TRERF1: variants seen among roughly 807,000 people sequenced by gnomAD.
The protein encoded by TRERF1 is transcriptional-regulating factor 1.
TRERF1 carries 27 observed loss-of-function variants against 122.9 expected under a neutral mutation model. The ratio of observed to expected loss-of-function variants is 0.22; its 90% CI spans 0.16 to 0.30. The LOEUF is 0.30. Ranked by LOEUF, TRERF1 falls within the 10% of genes least tolerant of loss-of-function variation. The pLI, the probability that TRERF1 is intolerant of heterozygous loss-of-function variation, is 1.00. For synonymous variants in TRERF1, 636 were observed against 641.7 expected (o/e 0.99, Z 0.13); for missense variants, 1,248 against 1,560.3 (o/e 0.80, Z 3.37).
At chr6:42,446,741 G>A (rs1255902149) in intron 2 of TRERF1, among the ~76,000 whole-genome samples, 6 of 152,138 alleles carry the variant, frequency 3.9e-5, no homozygotes, top group African/African-American at 9.7e-5. Context: ...GGTGCCTCAC[G>A]CCTGTCATCC....
intron 2 of TRERF1, among the ~76,000 whole-genome samples, chr6:42,443,958 G>C (rs1192914540): frequency 1.3e-5 from 2 of 152,092 alleles, no homozygotes; most frequent in African/African-American, 4.8e-5. Flanking sequence ...ACAACTTGAA[G>C]AGGAGAGGTG....
At chr6:42,274,204 CTG>C (rs1780749891) in intron 4 of TRERF1, among the ~76,000 whole-genome samples, 1 of 152,124 alleles carries the variant, frequency 6.6e-6, no homozygotes, top group Non-Finnish European at 1.5e-5. Context: ...GCTCAGCAGT[CTG>C]TGTTTTAATG....
intron 2 of TRERF1, among the ~76,000 whole-genome samples, chr6:42,437,254 T>C (rs1377896792): frequency 6.6e-6 from 1 of 152,114 alleles, no homozygotes; most frequent in Non-Finnish European, 1.5e-5. Context: ...TCATGTGGAA[T>C]AATTTGGGGC....
intron 3 of TRERF1, among the ~76,000 whole-genome samples, chr6:42,309,168 C>A (rs543991998): frequency 1.1e-4 from 16 of 152,084 alleles, no homozygotes; most frequent in African/African-American, 3.6e-4. Flanking sequence ...AAGGCAGGGT[C>A]GATTTGTGTA....
At chr6:42,319,763 T>C (rs967709917) in intron 3 of TRERF1, among the ~76,000 whole-genome samples, 1 of 145,902 alleles carries the variant, frequency 6.9e-6, no homozygotes, top group African/African-American at 2.5e-5. Context: ...GTCAAGGCCA[T>C]GATTGTGCCA....
chr6:42,390,529 CCTCGTAA>C (rs1777550156), intron 2 of TRERF1, among the ~76,000 whole-genome samples: 1 of 152,186 alleles, frequency 6.6e-6, no homozygotes, highest in Admixed American at 6.5e-5. Flanking sequence ...TGCTTCCTCA[CCTCGTAA>C]CTTTTTATTT....
intron 2 of TRERF1, among the ~76,000 whole-genome samples, chr6:42,449,476 A>G (rs1305384715): frequency 2.6e-5 from 4 of 152,170 alleles, no homozygotes; most frequent in Non-Finnish European, 5.9e-5. Flanking sequence ...GAAAAAAAAA[A>G]AAAACTACTG....
chr6:42,332,746 C>T (rs1263693031), intron 3 of TRERF1, among the ~76,000 whole-genome samples: 1 of 152,160 alleles, frequency 6.6e-6, no homozygotes, highest in Non-Finnish European at 1.5e-5. Flanking sequence ...CAGTATTTTC[C>T]TGTCATTGTG....
At chr6:42,402,673 T>A (rs529593882) in intron 2 of TRERF1, among the ~76,000 whole-genome samples, 1 of 152,260 alleles carries the variant, frequency 6.6e-6, no homozygotes, top group South Asian at 2.1e-4. Flanking sequence ...AAGCTAAGTC[T>A]CCCCATGTGG....
rs922959038 is a variant in TRERF1, at chr6:42,434,001, C to T, written c.-454+17176G>A. Among the ~76,000 whole-genome samples, 4 of 152,046 alleles carry T rather than the reference C, an allele frequency of 2.6e-5. No individual in the cohort carries two copies. The South Asian group carries it at 8.3e-4, about 31-fold the overall frequency. On this transcript the variant is annotated intron_variant, in intron 2 of 17. Coordinates refer to ENST00000372922, the Ensembl canonical transcript of TRERF1. The stretch of plus-strand genomic sequence containing the variant: ...TTGTGCCACTGTACTCCAGCTTAGG[C>T]AACAGAGTGAGCAAGACCCTGTCTC...
rs369855101 is a variant in TRERF1 at position 42,259,566 on chromosome 6, G to A, written c.2042C>T (p.Thr681Ile). The change falls in exon 9 of 18, where the codon ACC (threonine) becomes ATC (isoleucine). Residue 681 changes from threonine (T) to isoleucine (I), a missense_variant. Around this residue, in one of 5 missense-constraint regions of TRERF1, gnomAD observed 946 missense variants for 1,073.0 expected, o/e 0.88. Transcript: ENST00000372922. The surrounding 1 kb of genome is among the most constrained non-coding windows in gnomAD (Gnocchi z 4.9). ...GGAGCGCAGCTGGCTCTGGTACAGG[G>A]TGGCGCCCGAGTAGGAGGCAGCGGG... is the stretch of plus-strand genomic sequence containing the variant. 94 of 1,613,712 alleles carry A rather than the reference G, an allele frequency of 5.8e-5. No individual in the cohort carries two copies. The highest frequency in any genetic ancestry group is 7.6e-5 in the Non-Finnish European group (90 of 1,179,888).
At position 42,259,674 on chromosome 6, in the gene TRERF1, A is replaced by C; in HGVS notation, c.1934T>G (p.Leu645Arg). ...CTTTTTCTTCTCCTGCACGGTCTTG[A>C]GGGGCTCCTCGGCTTTGGGCACACT... Residue 645 changes from leucine to arginine, a missense_variant, in exon 9 of 18, where the codon CTC (leucine) becomes CGC (arginine). Leu to Arg is a moderately radical substitution (Grantham distance 102). Coordinates refer to ENST00000372922, the Ensembl canonical transcript of TRERF1. The surrounding 1 kb of genome is among the most constrained non-coding windows in gnomAD (Gnocchi z 4.9). The C allele has an allele frequency of 6.2e-7, 1 of 1,609,042 alleles. No individual in the cohort carries two copies. Among genetic ancestry groups the C allele is most frequent in the Non-Finnish European group, 8.5e-7 (1 of 1,179,970 alleles).
At chr6:42,423,717 C>T (rs1783176081) in intron 2 of TRERF1, among the ~76,000 whole-genome samples, 2 of 152,066 alleles carry the variant, frequency 1.3e-5, no homozygotes, top group Admixed American at 1.3e-4. Context: ...TTTTATAATT[C>T]GGGTTATTTA....
rs1186331363 is a variant in TRERF1, at chr6:42,259,274, A to G, written c.2269+65T>C. 17 of 1,454,898 alleles carry G rather than the reference A, an allele frequency of 1.2e-5. No individual in the cohort carries two copies. The highest frequency in any genetic ancestry group is 2.6e-4 in the Middle Eastern group (1 of 3,880). The allele number at this position is 1,454,898 out of a possible 1,614,324, so 90.1% of individuals were successfully genotyped here. On this transcript the variant is annotated intron_variant, in intron 9 of 17. Coordinates refer to ENST00000372922, the Ensembl canonical transcript of TRERF1. This position sits in a 1 kb window ranked among gnomAD's most constrained non-coding sequence, Gnocchi z 4.9. ...TGGGATAAATGAGAAAGCTAAAGAAAACGAGATGTCCCAGGACTTTACCCA... is the reference window on the plus strand; with the variant it reads ...TGGGATAAATGAGAAAGCTAAAGAAGACGAGATGTCCCAGGACTTTACCCA...
Position 42,434,643 on chromosome 6 carries a change from C to T in TRERF1, c.-454+16534G>A, listed in dbSNP as rs544012885. ...TTCCGACAAACAAAAACTGGGAGAA[C>T]TGGAACACCAGCAGACACCCTCCAC... On this transcript the variant is annotated intron_variant, in intron 2 of 17. Coordinates refer to ENST00000372922, the Ensembl canonical transcript of TRERF1. Among the ~76,000 whole-genome samples, 20 of 148,114 alleles carry T rather than the reference C, an allele frequency of 1.4e-4. No homozygotes were observed. In the South Asian group the frequency reaches 3.7e-3, roughly 27 times the overall value.
chr6:42,230,619 A>T (rs563467667), intron 17 of TRERF1, among the ~76,000 whole-genome samples: 43 of 152,232 alleles, frequency 2.8e-4, no homozygotes, highest in African/African-American at 9.9e-4. Context: ...TATTTCAATT[A>T]AAAAAGCCTT....
At chr6:42,294,180 A>T (rs1453864618) in intron 4 of TRERF1, among the ~76,000 whole-genome samples, 4 of 129,146 alleles carry the variant, frequency 3.1e-5, no homozygotes, top group African/African-American at 5.9e-5. Context: ...CTATAATGTA[A>T]TTTTTTTTTT....
chr6:42,260,344 A>T (rs1777610962), intron 8 of TRERF1, among the ~76,000 whole-genome samples: 1 of 151,718 alleles, frequency 6.6e-6, no homozygotes, highest in Non-Finnish European at 1.5e-5. Flanking sequence ...ACCCCTCACT[A>T]TTGCTCCCAG....
chr6:42,266,337 C>T (rs565015183), intron 5 of TRERF1, among the ~76,000 whole-genome samples: 1 of 151,884 alleles, frequency 6.6e-6, no homozygotes, highest in African/African-American at 2.4e-5. Context: ...TACAGGTGTG[C>T]GCCACAACAC....
Sources: gnomAD v4.1 joint callset for allele counts (sites outside exome capture counted in the v4.1 genomes callset) on GRCh38, gnomAD v4.1.1 for gene constraint, gnomAD v4.1.1 regional missense constraint, Gnocchi (gnomAD v3.1) non-coding constraint, MANE v1.5 for transcripts, NCBI Gene and HGNC (gene_info 2026-07-23, HGNC 2026-07-21) for gene names.